MGAT4C: variants seen among roughly 807,000 people sequenced by gnomAD.
MGAT4C encodes alpha-1,3-mannosyl-glycoprotein 4-beta-N-acetylglucosaminyltransferase C.
A neutral mutation model predicts 40.1 loss-of-function variants in MGAT4C; 19 were observed. That is an observed-to-expected ratio of 0.47 (90% confidence interval 0.33 to 0.70). MGAT4C has a LOEUF of 0.70. MGAT4C is among the 30% of genes least tolerant of loss of function. The probability of loss-of-function intolerance (pLI) is 0.02; values close to 1 mark genes in which losing one functional copy is unlikely to be tolerated. For missense variants in MGAT4C, 491 were observed against 563.2 expected (o/e 0.87, Z 1.30); for synonymous variants, 181 against 187.1 (o/e 0.97, Z 0.27).
chr12:86,528,889 A>T (rs925738961), intron 2 of MGAT4C, among the ~76,000 whole-genome samples: 1 of 152,064 alleles, frequency 6.6e-6, no homozygotes, highest in African/African-American at 2.4e-5. Context: ...ATTAATTAAC[A>T]CTAAAAAGCC....
At chr12:86,587,831 G>C (rs1961129659) in intron 2 of MGAT4C, among the ~76,000 whole-genome samples, 1 of 151,026 alleles carries the variant, frequency 6.6e-6, no homozygotes, top group Non-Finnish European at 1.5e-5. Flanking sequence ...TTGCTTATCA[G>C]CTTTAGGAGA....
intron 2 of MGAT4C, among the ~76,000 whole-genome samples, chr12:86,539,339 A>G (rs1959133078): frequency 6.6e-6 from 1 of 151,736 alleles, no homozygotes; most frequent in Non-Finnish European, 1.5e-5. Flanking sequence ...CCATGTCCCT[A>G]CAAAGGACAT....
At chr12:86,445,747 G>T (rs1429552082) in intron 2 of MGAT4C, among the ~76,000 whole-genome samples, 1 of 152,098 alleles carries the variant, frequency 6.6e-6, no homozygotes, top group East Asian at 1.9e-4. Flanking sequence ...CAACATGAGT[G>T]AGTCTCAAAC....
At chr12:86,059,253 G>A (rs1893698534) in intron 1 of MGAT4C, among the ~76,000 whole-genome samples, 1 of 152,038 alleles carries the variant, frequency 6.6e-6, no homozygotes, top group African/African-American at 2.4e-5. Flanking sequence ...CTCCATGTTG[G>A]CCAGTCTTGA....
At chr12:86,000,331 C>G (rs1241602397) in intron 2 of MGAT4C, among the ~76,000 whole-genome samples, 1 of 152,000 alleles carries the variant, frequency 6.6e-6, no homozygotes, top group Non-Finnish European at 1.5e-5. Flanking sequence ...ATATATTCCT[C>G]TAGCCATACT....
chr12:86,750,157 A>T (rs1042962703), intron 1 of MGAT4C, among the ~76,000 whole-genome samples: 43 of 151,882 alleles, frequency 2.8e-4, no homozygotes, highest in African/African-American at 1.0e-3. Flanking sequence ...GCCTCTGGTA[A>T]CTTTATTCAA....
intron 2 of MGAT4C, among the ~76,000 whole-genome samples, chr12:86,484,670 G>T: frequency 6.6e-6 from 1 of 152,220 alleles, no homozygotes; most frequent in East Asian, 1.9e-4. Context: ...GACCGGCGTG[G>T]GAGTGGGCTG....
chr12:86,496,315 TCTAA>T (rs1351678698), intron 2 of MGAT4C, among the ~76,000 whole-genome samples: 4 of 143,982 alleles, frequency 2.8e-5, no homozygotes, highest in East Asian at 2.2e-4. Flanking sequence ...TGCTATTTAC[TCTAA>T]CTAATAGTTG....
intron 3 of MGAT4C, among the ~76,000 whole-genome samples, chr12:86,340,219 C>T (rs187407243): frequency 4.5e-4 from 68 of 152,158 alleles, no homozygotes; most frequent in African/African-American, 1.4e-3. Flanking sequence ...TAATTTATAT[C>T]TTCAAATTAC....
intron 1 of MGAT4C, among the ~76,000 whole-genome samples, chr12:86,732,555 C>T (rs1435394183): frequency 6.6e-6 from 1 of 152,034 alleles, no homozygotes; most frequent in Admixed American, 6.6e-5. Flanking sequence ...GCGTGTGCAA[C>T]CTATATCCCT....
intron 1 of MGAT4C, among the ~76,000 whole-genome samples, chr12:86,779,502 G>A (rs1951799659): frequency 6.6e-6 from 1 of 151,766 alleles, no homozygotes; most frequent in East Asian, 1.9e-4. Context: ...CTGGGGAAGT[G>A]GAGGTGAGAG....
intron 1 of MGAT4C, among the ~76,000 whole-genome samples, chr12:86,797,492 T>C (rs1031683248): frequency 8.6e-5 from 13 of 151,930 alleles, no homozygotes; most frequent in African/African-American, 3.1e-4. Flanking sequence ...AGATATTTTT[T>C]TTCAATTCAA....
chr12:86,535,580 T>C (rs1592961121), intron 2 of MGAT4C, among the ~76,000 whole-genome samples: 1 of 152,098 alleles, frequency 6.6e-6, no homozygotes, highest in South Asian at 2.1e-4. Flanking sequence ...TAAGGTACTT[T>C]TTTATCAGCT....
chr12:86,354,280 A>G (rs1955253380), intron 3 of MGAT4C, among the ~76,000 whole-genome samples: 1 of 152,238 alleles, frequency 6.6e-6, no homozygotes, highest in African/African-American at 2.4e-5. Flanking sequence ...AAAAATCTCC[A>G]GAAGATTTTA....
At chr12:86,599,293 T>C (rs1961667596) in intron 2 of MGAT4C, among the ~76,000 whole-genome samples, 1 of 152,168 alleles carries the variant, frequency 6.6e-6, no homozygotes, top group South Asian at 2.1e-4. Context: ...TATTCACATT[T>C]TCCTGGCAGA....
intron 1 of MGAT4C, among the ~76,000 whole-genome samples, chr12:86,152,041 T>C (rs1424200752): frequency 2.0e-5 from 3 of 152,218 alleles, no homozygotes; most frequent in African/African-American, 7.2e-5. Flanking sequence ...CAACGACTTG[T>C]TGCTGGAACT....
At chr12:86,434,995 T>G (rs533188699) in intron 3 of MGAT4C, among the ~76,000 whole-genome samples, 1 of 151,926 alleles carries the variant, frequency 6.6e-6, no homozygotes, top group Admixed American at 6.6e-5. Context: ...TATCTTGCTA[T>G]AACATAAAGG....
chr12:86,393,767 T>C (rs1956198041), intron 3 of MGAT4C, among the ~76,000 whole-genome samples: 1 of 132,834 alleles, frequency 7.5e-6, no homozygotes, highest in African/African-American at 2.7e-5. Flanking sequence ...ATGATGTCTT[T>C]CATGGTGATT....
intron 3 of MGAT4C, among the ~76,000 whole-genome samples, chr12:86,348,692 G>C (rs182555016): frequency 2.2e-4 from 33 of 152,152 alleles, no homozygotes; most frequent in East Asian, 2.1e-3. Context: ...TCATTCAATA[G>C]TACGTGGTTT....
Sources: allele counts gnomAD v4.1 joint callset (sites outside exome capture counted in the v4.1 genomes callset), GRCh38; gene constraint gnomAD v4.1.1; transcripts MANE v1.5; gene names NCBI Gene and HGNC (gene_info 2026-07-23, HGNC 2026-07-21).